The following SLC25A48 variants were observed in gnomAD, a reference collection of about 807,000 sequenced individuals.
The protein encoded by SLC25A48 is solute carrier family 25 member 48.
In SLC25A48, 29 loss-of-function variants were observed where a neutral mutation model predicts 32.2. That is an observed-to-expected ratio of 0.90 (90% CI 0.67 to 1.23). The LOEUF (loss-of-function observed/expected upper bound fraction) is 1.23. SLC25A48 is among the 50% of genes most tolerant of loss of function. The probability of loss-of-function intolerance (pLI) is 0.00; values close to 1 mark genes in which losing one functional copy is unlikely to be tolerated. For missense variants in SLC25A48, 399 were observed against 422.7 expected (o/e 0.94, Z 0.49); for synonymous variants, 164 against 172.3 (o/e 0.95, Z 0.38).
chr5:135,719,929 G>A (rs1474294172), intron 3 of SLC25A48, among the ~76,000 whole-genome samples: 3 of 152,174 alleles, frequency 2.0e-5, no homozygotes, highest in Admixed American at 6.5e-5. Context: ...GTCTACCTGC[G>A]GGCAGGGCAT....
At chr5:135,819,669 G>A (rs1347132496) in intron 4 of SLC25A48, among the ~76,000 whole-genome samples, 7 of 152,168 alleles carry the variant, frequency 4.6e-5, no homozygotes, top group African/African-American at 1.7e-4. Context: ...CCTGACCATG[G>A]TGATAGTTTC....
intron 1 of SLC25A48, among the ~76,000 whole-genome samples, chr5:135,598,844 C>T (rs1024395008): frequency 5.9e-5 from 9 of 152,110 alleles, no homozygotes; most frequent in Admixed American, 1.3e-4. Context: ...CTGTGCGCAG[C>T]GTCCGTAAAC....
chr5:135,732,501 TC>T (rs1755250632), intron 3 of SLC25A48, among the ~76,000 whole-genome samples: 1 of 151,966 alleles, frequency 6.6e-6, no homozygotes, highest in Non-Finnish European at 1.5e-5. Context: ...CAGGGGCAAA[TC>T]CCCGAGCTTG....
intron 3 of SLC25A48, among the ~76,000 whole-genome samples, chr5:135,778,246 C>T (rs370807256): frequency 2.6e-5 from 4 of 151,180 alleles, no homozygotes; most frequent in South Asian, 2.1e-4. Flanking sequence ...CTAATATTCA[C>T]GGAGAAAAAG....
At chr5:135,752,222 G>T (rs1755787047) in intron 3 of SLC25A48, among the ~76,000 whole-genome samples, 1 of 152,110 alleles carries the variant, frequency 6.6e-6, no homozygotes, top group African/African-American at 2.4e-5. Context: ...ACTTTTAAGA[G>T]AATAAAAGGA....
At chr5:135,731,498 T>C (rs909408607) in intron 3 of SLC25A48, among the ~76,000 whole-genome samples, 2 of 152,216 alleles carry the variant, frequency 1.3e-5, no homozygotes, top group African/African-American at 4.8e-5. Context: ...TTCTTGGGGC[T>C]GCTTCAAGCG....
intron 1 of SLC25A48, among the ~76,000 whole-genome samples, chr5:135,624,599 A>G (rs1215195218): frequency 6.6e-6 from 1 of 152,216 alleles, no homozygotes; most frequent in African/African-American, 2.4e-5. Flanking sequence ...CCTCTTGTAA[A>G]ATGAATATGC....
At chr5:135,835,451 C>T (rs1758420606) in intron 1 of SLC25A48, among the ~76,000 whole-genome samples, 1 of 152,198 alleles carries the variant, frequency 6.6e-6, no homozygotes, top group African/African-American at 2.4e-5. Context: ...TCAGCCGCCG[C>T]CAACCGTCAG....
At chr5:135,666,398 C>T (rs78886402) in intron 3 of SLC25A48, among the ~76,000 whole-genome samples, 1,823 of 152,314 alleles carry the variant, frequency 0.012, 32 homozygotes, top group African/African-American at 0.039. Flanking sequence ...CTGCTGTCTT[C>T]AGATATCTTT....
At chr5:135,839,456 G>A (rs544640532) in intron 1 of SLC25A48, among the ~76,000 whole-genome samples, 13 of 152,198 alleles carry the variant, frequency 8.5e-5, no homozygotes, top group East Asian at 3.9e-4. Context: ...CCCAATGCTC[G>A]TACCCCCATT....
At chr5:135,785,020 G>GA (rs139538284) in intron 3 of SLC25A48, among the ~76,000 whole-genome samples, 1 of 58,012 alleles carries the variant, frequency 1.7e-5, no homozygotes, top group Non-Finnish European at 6.5e-5. Flanking sequence ...ATCATAAGGT[G>GA]GACAGGATGA....
intron 3 of SLC25A48, among the ~76,000 whole-genome samples, chr5:135,739,514 G>A (rs1755452865): frequency 6.6e-6 from 1 of 152,186 alleles, no homozygotes; most frequent in Non-Finnish European, 1.5e-5. Flanking sequence ...GTTTGGCAAT[G>A]AGATGACAGA....
In SLC25A48 at chr5:135,770,172, GGAT is replaced by G. The variant is rs201334632; in HGVS notation, c.-520-42347_-520-42345del. Among the ~76,000 whole-genome samples, 147 of 151,576 alleles carry G rather than the reference GGAT, an allele frequency of 9.7e-4. 2 individuals are homozygous for G. In the East Asian group the frequency reaches 0.026, roughly 27 times the overall value. On this transcript the variant is annotated intron_variant, in intron 3 of 10. Coordinates refer to the SLC25A48 transcript ENST00000646290. Reference sequence around the variant, plus strand: ...TTTTCCTAATATTCAGAAAAGAAGTGGATGATATTATTCCCAATATCGCAGGGG... The same window carrying G: ...TTTTCCTAATATTCAGAAAAGAAGTGGATATTATTCCCAATATCGCAGGGG...
At chr5:135,602,865 G>A (rs542003066) in intron 1 of SLC25A48, among the ~76,000 whole-genome samples, 1 of 152,232 alleles carries the variant, frequency 6.6e-6, no homozygotes, top group East Asian at 1.9e-4. Context: ...CACCTTGCAT[G>A]TAGTTTTTGA....
chr5:135,683,802 C>G (rs1167278109), intron 3 of SLC25A48, among the ~76,000 whole-genome samples: 1 of 152,180 alleles, frequency 6.6e-6, no homozygotes, highest in Admixed American at 6.5e-5. Context: ...CCCCATGGAG[C>G]ACTCAGGAGT....
intron 1 of SLC25A48, among the ~76,000 whole-genome samples, chr5:135,621,484 T>G (rs914074453): frequency 1.3e-5 from 2 of 152,210 alleles, no homozygotes; most frequent in Admixed American, 1.3e-4. Context: ...TAGGAGTATT[T>G]CTATGTCCAG....
At chr5:135,799,898 C>T (rs1379049793) in intron 3 of SLC25A48, among the ~76,000 whole-genome samples, 1 of 151,750 alleles carries the variant, frequency 6.6e-6, no homozygotes, top group African/African-American at 2.4e-5. Flanking sequence ...TGATATTACT[C>T]CCAATATCTC....
intron 3 of SLC25A48, among the ~76,000 whole-genome samples, chr5:135,693,671 A>C (rs559813187): frequency 6.6e-6 from 1 of 152,352 alleles, no homozygotes; most frequent in African/African-American, 2.4e-5. Context: ...AGCAGCCACT[A>C]CCAACTGAAT....
At chr5:135,791,668 A>C (rs1757034237) in intron 3 of SLC25A48, among the ~76,000 whole-genome samples, 1 of 151,506 alleles carries the variant, frequency 6.6e-6, no homozygotes, top group South Asian at 2.1e-4. Context: ...TACTGGTAAT[A>C]TTATAGGGGG....
Sources: allele counts gnomAD v4.1 joint callset (sites outside exome capture counted in the v4.1 genomes callset), GRCh38; gene constraint gnomAD v4.1.1; transcripts MANE v1.5; gene names NCBI Gene and HGNC (gene_info 2026-07-23, HGNC 2026-07-21).